Variants in UTP20 observed in about 807,000 individuals in gnomAD.
UTP20 encodes small subunit processome component 20 homolog.
UTP20 carries 164 observed loss-of-function variants against 329.5 expected under a neutral mutation model. That is an observed-to-expected ratio of 0.50 (90% CI 0.44 to 0.57). The LOEUF (loss-of-function observed/expected upper bound fraction) is 0.57, where lower values mean the gene tolerates loss of function less well. Ranked by LOEUF, UTP20 falls within the 20% of genes least tolerant of loss-of-function variation. The pLI is 0.00. For missense variants in UTP20, 3,055 were observed against 3,284.2 expected (o/e 0.93, Z 1.71); for synonymous variants, 1,151 against 1,159.3 (o/e 0.99, Z 0.14).
Position 101,357,067 on chromosome 12 carries a change from T to C in UTP20, c.5676T>C (p.Leu1892=). 2 of 1,609,308 alleles carry C rather than the reference T, an allele frequency of 1.2e-6. No homozygotes were observed. Among genetic ancestry groups the C allele is most frequent in the Non-Finnish European group, 1.7e-6 (2 of 1,178,586 alleles). The change falls in exon 43 of 62, where the codon CTT becomes CTC. Residue 1892 remains leucine (L), a synonymous_variant. Transcript: ENST00000261637. ...LYVLKELQTT[L]VRGYQVHVLT... is the part of the protein sequence containing the mutation. ...TTTTAAAAGAATTACAGACTACTCTTGTCCGTGGATACCAGGTAAATTGCA... is the reference window on the plus strand; with the variant it reads ...TTTTAAAAGAATTACAGACTACTCTCGTCCGTGGATACCAGGTAAATTGCA...
chr12:101,299,925 C>T (rs769490701), intron 13 of UTP20, 48 bp from the exon 14 acceptor site: 3 of 1,609,890 alleles, frequency 1.9e-6, no homozygotes, highest in Admixed American at 3.4e-5. Flanking sequence ...CTGAAACAAA[C>T]CATTGAATGC....
chr12:101,352,419 A>G (rs1407952322), intron 39 of UTP20, among the ~76,000 whole-genome samples: 9 of 152,184 alleles, frequency 5.9e-5, no homozygotes, highest in Admixed American at 3.9e-4. Context: ...ATACCCAGTA[A>G]TGGGATGGCT....
rs150558479 is a variant in UTP20, at chr12:101,300,040, G to T, written c.1654G>T (p.Asp552Tyr). Residue 552 changes from aspartate (D) to tyrosine (Y), a missense_variant, in exon 14 of 62, where the codon GAC becomes TAC. Transcript: ENST00000261637. ...CATAGAGGCACTCTTCATGACTGTT[G>T]ACAAAGGAAGCTTTGGGAAAGGTCA... is the stretch of plus-strand genomic sequence containing the variant. Reference protein sequence around the residue: ...GFIEALFMTVDKGSFGKGNLF... With the variant: ...GFIEALFMTVYKGSFGKGNLF... 535 of 1,614,114 alleles carry T rather than the reference G, an allele frequency of 3.3e-4. 2 individuals are homozygous for T. The African/African-American group carries it at 6.3e-3, about 19-fold the overall frequency.
At chr12:101,331,345 C>A (rs1214491970) in intron 27 of UTP20, among the ~76,000 whole-genome samples, 1 of 152,082 alleles carries the variant, frequency 6.6e-6, no homozygotes, top group Non-Finnish European at 1.5e-5. Context: ...CATATTTGCT[C>A]CATATAATAT....
intron 11 of UTP20, among the ~76,000 whole-genome samples, chr12:101,295,180 C>T (rs1432992814): frequency 1.3e-5 from 2 of 151,882 alleles, no homozygotes; most frequent in Non-Finnish European, 2.9e-5. Context: ...TCATAATTTC[C>T]TGGGGGTAGG....
chr12:101,324,215 C>T (rs1868478414), intron 25 of UTP20, among the ~76,000 whole-genome samples: 1 of 114,624 alleles, frequency 8.7e-6, no homozygotes, highest in African/African-American at 3.5e-5. Flanking sequence ...ATTTGAGAGC[C>T]ACATTTATTT....
chr12:101,346,138 G>A lies in UTP20; in HGVS notation c.4747-313G>A, dbSNP rs563159715. Among the ~76,000 whole-genome samples, 5 of 151,846 alleles carry A rather than the reference G, an allele frequency of 3.3e-5. No homozygotes were observed. In the East Asian group the frequency reaches 5.8e-4, roughly 18 times the overall value. Reference sequence around the variant, plus strand: ...GCAATCTCAGCTCACTGTAACCTCCGCCTCCAGGGTTCAAGTGATTCTCCT... The same window carrying A: ...GCAATCTCAGCTCACTGTAACCTCCACCTCCAGGGTTCAAGTGATTCTCCT... On this transcript the variant is annotated intron_variant, in intron 37 of 61. Coordinates refer to ENST00000261637, the MANE Select transcript of UTP20 (RefSeq NM_014503.3).
In UTP20 at chr12:101,383,221, C is replaced by T; in HGVS notation, c.7837C>T (p.Leu2613Phe). The change falls in exon 59 of 62, where the codon CTC becomes TTC. Residue 2613 changes from leucine to phenylalanine, a missense_variant. Physicochemically the swap from Leu to Phe is conservative, Grantham distance 22 (BLOSUM62 0). This residue lies in a region of UTP20 where 337 missense variants were observed against 345.5 expected (regional missense o/e 0.98). Transcript: ENST00000261637. ...GEEKEEVKEE[L>F]GRPATLLWLI... ...AGAGAAGGAAGAGGTGAAGGAAGAG[C>T]TCGGCAGGCCGGCCACGCTGCTGTG... 1 of 1,614,170 alleles carries T rather than the reference C, an allele frequency of 6.2e-7. No individual in the cohort carries two copies. Among genetic ancestry groups the T allele is most frequent in the Non-Finnish European group, 8.5e-7 (1 of 1,180,036 alleles).
intron 16 of UTP20, among the ~76,000 whole-genome samples, chr12:101,306,321 A>G (rs1345949037): frequency 6.6e-6 from 1 of 151,908 alleles, no homozygotes; most frequent in Non-Finnish European, 1.5e-5. Context: ...AAAAATCAAC[A>G]TAGTTTTTTT....
At chr12:101,370,810 T>C (rs1238344948) in intron 50 of UTP20, among the ~76,000 whole-genome samples, 7 of 152,250 alleles carry the variant, frequency 4.6e-5, no homozygotes, top group Admixed American at 1.3e-4. Flanking sequence ...TTTATTTATA[T>C]GTTTTTCTTC....
chr12:101,306,816 T>G lies in UTP20; in HGVS notation c.1995+55T>G. On this transcript the variant is annotated intron_variant, in intron 17 of 61. Coordinates refer to ENST00000261637, the MANE Select transcript of UTP20 (RefSeq NM_014503.3). ...TAAAAAAATATAGTTTTACATATTATTGTGGTTTCCAAAATGATACCTTTG... is the reference window on the plus strand; with the variant it reads ...TAAAAAAATATAGTTTTACATATTAGTGTGGTTTCCAAAATGATACCTTTG... 2.0e-6 allele frequency: 3 copies of G among 1,468,146 alleles called. No individual in the cohort carries two copies. In the South Asian group the frequency reaches 3.9e-5, roughly 19 times the overall value. 90.9% of individuals were successfully genotyped at this position (1,468,146 alleles called of 1,614,324 possible).
intron 38 of UTP20, among the ~76,000 whole-genome samples, chr12:101,351,526 C>CTTTTTTTTTTTTTTTTTTTTTTTTT (rs753646442): frequency 1.7e-5 from 2 of 117,874 alleles, no homozygotes; most frequent in Non-Finnish European, 1.7e-5. Flanking sequence ...AGGCAGTGTA[C>CTTTTTTTTTTTTTTTTTTTTTTTTT]TTTTTTTTTT....
At chr12:101,377,674 T>G (rs895626407) in intron 56 of UTP20, among the ~76,000 whole-genome samples, 55 of 152,010 alleles carry the variant, frequency 3.6e-4, no homozygotes, top group Non-Finnish European at 2.5e-4. Flanking sequence ...GGAGGGGAGA[T>G]ACAGCAGGGA....
rs149930556 is a variant in UTP20 at position 101,373,450 on chromosome 12, C to T, written c.6928C>T (p.Leu2310Phe). 2.0e-5 allele frequency: 33 copies of T among 1,614,102 alleles called. No homozygotes were observed. The highest frequency in any genetic ancestry group is 2.8e-5 in the Non-Finnish European group (33 of 1,180,050). ...RESTLEMIAY[L>F]FDTFPQGLLH... ...GTCCACCTTGGAAATGATCGCCTAT[C>T]TCTTTGACACGTTCCCTCAGGTACT... is the stretch of plus-strand genomic sequence containing the variant. The change falls in exon 53 of 62, where the codon CTC becomes TTC. Residue 2310 changes from leucine (L) to phenylalanine (F), a missense_variant. Physicochemically the swap from Leu to Phe is conservative, Grantham distance 22. Coordinates refer to ENST00000261637, the MANE Select transcript of UTP20 (RefSeq NM_014503.3).
intron 22 of UTP20, among the ~76,000 whole-genome samples, chr12:101,319,142 G>C (rs1002831597): frequency 6.6e-6 from 1 of 152,120 alleles, no homozygotes; most frequent in African/African-American, 2.4e-5. Context: ...CCTGACATCT[G>C]TATTTACATT....
At chr12:101,353,610 A>G (rs1869613232) in intron 40 of UTP20, among the ~76,000 whole-genome samples, 1 of 152,162 alleles carries the variant, frequency 6.6e-6, no homozygotes, top group South Asian at 2.1e-4. Context: ...CTAAGGCAGA[A>G]GGATCAGTGG....
intron 30 of UTP20, 97 bp from the exon 31 acceptor site, chr12:101,338,716 A>T (rs1164087279): frequency 2.0e-6 from 2 of 1,004,040 alleles, no homozygotes; most frequent in East Asian, 5.6e-5. Flanking sequence ...TTAAATGTTC[A>T]TAGTGGTTGA....
In UTP20 at chr12:101,374,843, C is replaced by T. The variant is rs1247785336; in HGVS notation, c.7167C>T (p.Gly2389=). The T allele has an allele frequency of 1.5e-6, 2 of 1,325,584 alleles. No homozygotes were observed. Among genetic ancestry groups the T allele is most frequent in the South Asian group, 1.2e-5 (1 of 85,370 alleles). The allele number at this position is 1,325,584 out of a possible 1,614,324, so 82.1% of individuals were successfully genotyped here. The change falls in exon 55 of 62, where the codon GGC becomes GGT. Residue 2389 remains glycine, a synonymous_variant. Coordinates refer to ENST00000261637, the MANE Select transcript of UTP20 (RefSeq NM_014503.3). ...LNRQLAALIC[G]LFVESEGVDF... ...GACAACTTGCTGCCCTGATCTGTGG[C>T]TTGTTTGTGGAAAGTGAAGGAGTTG...
intron 42 of UTP20, 58 bp downstream of exon 42, chr12:101,356,751 C>T: frequency 6.4e-7 from 1 of 1,562,258 alleles, no homozygotes; most frequent in Non-Finnish European, 8.7e-7. Context: ...TCTTTTCTTC[C>T]TTACTTTTGA....
Sources: gnomAD v4.1 joint callset for allele counts (sites outside exome capture counted in the v4.1 genomes callset) on GRCh38, gnomAD v4.1.1 for gene constraint, gnomAD v4.1.1 regional missense constraint, MANE v1.5 for transcripts, NCBI Gene and HGNC (gene_info 2026-07-23, HGNC 2026-07-21) for gene names.